IQGAP3: variants seen among roughly 807,000 people sequenced by gnomAD.
IQGAP3 encodes the protein IQ motif containing GTPase activating protein 3, also known as ras GTPase-activating-like protein IQGAP3.
IQGAP3 carries 165 observed loss-of-function variants against 208.2 expected under a neutral mutation model. The ratio of observed to expected loss-of-function variants is 0.79; its 90% CI spans 0.70 to 0.90. The LOEUF is 0.90. IQGAP3 is among the 40% of genes least tolerant of loss of function. IQGAP3 has a pLI of 0.00. For synonymous variants in IQGAP3, 703 were observed against 803.6 expected (o/e 0.87, Z 2.12); for missense variants, 1,811 against 2,043.1 (o/e 0.89, Z 2.19).
chr1:156,571,082 G>A (rs1045214458), intron 1 of IQGAP3, among the ~76,000 whole-genome samples: 11 of 152,130 alleles, frequency 7.2e-5, no homozygotes, highest in African/African-American at 2.7e-4. Flanking sequence ...CACCCGAGGA[G>A]GAAAAGAATC....
At chr1:156,532,112 C>T (rs1404522803) in intron 32 of IQGAP3, among the ~76,000 whole-genome samples, 8 of 152,032 alleles carry the variant, frequency 5.3e-5, no homozygotes, top group South Asian at 2.1e-4. Flanking sequence ...TTAGGCTGGG[C>T]GCAGTGGCTC....
rs2102353692 is a variant in IQGAP3 at position 156,530,230 on chromosome 1, C to A, written c.4279G>T (p.Ala1427Ser). ...TCTGCCAGTGGCAGGAGGGAGTGAGCTGTCAGTGAGCGGTGTCGTCGCAGT... is the reference window on the plus strand; with the variant it reads ...TCTGCCAGTGGCAGGAGGGAGTGAGATGTCAGTGAGCGGTGTCGTCGCAGT... Reference protein sequence around the residue: ...EPLRRHRSLTAHSLLPLAEKQ... With the variant: ...EPLRRHRSLTSHSLLPLAEKQ... The change falls in exon 34 of 38, where the codon GCT becomes TCT. Residue 1427 changes from alanine to serine, a missense_variant. Ala to Ser is a moderately conservative substitution (Grantham distance 99, BLOSUM62 1). Transcript: ENST00000361170. The A allele has an allele frequency of 6.2e-7, 1 of 1,613,066 alleles. No homozygotes were observed.
chr1:156,544,729 T>G (rs1033215903), intron 19 of IQGAP3, among the ~76,000 whole-genome samples: 4 of 151,768 alleles, frequency 2.6e-5, no homozygotes, highest in African/African-American at 9.7e-5. Context: ...CCCACACACC[T>G]CTAACCAACA....
intron 1 of IQGAP3, among the ~76,000 whole-genome samples, chr1:156,571,350 AC>A (rs770667464): frequency 2.0e-5 from 3 of 152,242 alleles, no homozygotes; most frequent in Non-Finnish European, 4.4e-5. Flanking sequence ...TTGACTCAGC[AC>A]TTAATGTCAT....
intron 22 of IQGAP3, among the ~76,000 whole-genome samples, chr1:156,543,718 G>A (rs1487347363): frequency 1.3e-5 from 2 of 152,228 alleles, no homozygotes; most frequent in Non-Finnish European, 2.9e-5. Context: ...TTTTCTTTCT[G>A]CTTTGGTGGT....
At chr1:156,557,619 T>G (rs1429551158) in intron 11 of IQGAP3, among the ~76,000 whole-genome samples, 928 of 13,856 alleles carry the variant, frequency 0.067, no homozygotes, top group Non-Finnish European at 0.087. Context: ...GGTGGGGGGG[T>G]CAGCCCCCCG....
In IQGAP3 at chr1:156,533,780, G is replaced by T; in HGVS notation, c.3969C>A (p.Asp1323Glu). The T allele has an allele frequency of 6.2e-7, 1 of 1,613,340 alleles. No homozygotes were observed. The highest frequency in any genetic ancestry group is 1.1e-5 in the South Asian group (1 of 90,994). ...EDLGELPTIP[D>E]LIGESIAADG... ...GCTAAGGAGGGCACGTACCAATAAG[G>T]TCAGGGATGGTGGGCAGCTCCCCAA... The change falls in exon 31 of 38, where the codon GAC (aspartate) becomes GAA (glutamate). Residue 1323 changes from aspartate (D) to glutamate (E), a missense_variant. Asp to Glu is a conservative substitution (Grantham distance 45). Coordinates refer to ENST00000361170, the MANE Select transcript of IQGAP3 (RefSeq NM_178229.5).
At position 156,526,133 on chromosome 1, in the gene IQGAP3, G is replaced by T; in HGVS notation, c.*353C>A. ...AAGGCAGAGGGGAAATCAAGCCGCT[G>T]GGGCAGTGCTTGTAATATTGGGGTG... On this transcript the variant is annotated 3_prime_UTR_variant, in exon 38 of 38. Transcript: ENST00000361170. 4.7e-6 allele frequency: 1 copy of T among 214,932 alleles called. No homozygotes were observed. Among genetic ancestry groups the T allele is most frequent in the East Asian group, 1.0e-4 (1 of 9,784 alleles). 13.3% of individuals were successfully genotyped at this position (214,932 alleles called of 1,614,324 possible).
intron 19 of IQGAP3, 83 bp downstream of exon 19, chr1:156,547,990 G>A: frequency 3.2e-6 from 4 of 1,257,392 alleles, no homozygotes; most frequent in Non-Finnish European, 4.4e-6. Flanking sequence ...TCATTCCCAT[G>A]TCAGTAAAAA....
intron 24 of IQGAP3, 58 bp from the exon 25 acceptor site, chr1:156,539,595 G>A (rs532975829): frequency 6.4e-7 from 1 of 1,563,016 alleles, no homozygotes; most frequent in East Asian, 2.2e-5. Flanking sequence ...ACCAGTGATA[G>A]GATAAGGAAA....
chr1:156,569,073 T>C (rs543745358), intron 2 of IQGAP3, among the ~76,000 whole-genome samples: 23 of 152,050 alleles, frequency 1.5e-4, no homozygotes, highest in African/African-American at 5.5e-4. Context: ...AGCAGGAAAA[T>C]TTGAAAATGG....
At chr1:156,562,726 T>G in intron 8 of IQGAP3, 61 bp from the exon 9 acceptor site, 1 of 1,358,338 alleles carries the variant, frequency 7.4e-7, no homozygotes, top group Non-Finnish European at 1.1e-6. Context: ...TGTCCTGCTC[T>G]TCCCTGCCTG....
At chr1:156,532,665 T>C (rs1674466309) in intron 32 of IQGAP3, among the ~76,000 whole-genome samples, 1 of 152,132 alleles carries the variant, frequency 6.6e-6, no homozygotes, top group Non-Finnish European at 1.5e-5. Context: ...TTGGGCAACA[T>C]GGCGAGACTC....
At chr1:156,537,405 C>A in intron 26 of IQGAP3, 84 bp from the exon 27 acceptor site, 2 of 1,338,078 alleles carry the variant, frequency 1.5e-6, no homozygotes, top group South Asian at 3.0e-5. Flanking sequence ...AAACGCTTGT[C>A]TAACAACAAG....
chr1:156,571,065 T>G (rs1056757836), intron 1 of IQGAP3, among the ~76,000 whole-genome samples: 28 of 152,216 alleles, frequency 1.8e-4, no homozygotes, highest in Non-Finnish European at 3.7e-4. Flanking sequence ...TCCTTTTTGG[T>G]ATAGGTCACC....
chr1:156,572,438 G>T, intron 1 of IQGAP3, 55 bp downstream of exon 1: 2 of 1,576,162 alleles, frequency 1.3e-6, no homozygotes, highest in East Asian at 2.2e-5. Flanking sequence ...GGACAGCCAA[G>T]CCCCCGACCA....
rs72996647 is a variant in IQGAP3 at position 156,554,347 on chromosome 1, C to A, written c.1336G>T (p.Ala446Ser). 3.4e-4 allele frequency: 543 copies of A among 1,613,418 alleles called. 2 individuals carry two copies. The African/African-American group carries it at 6.7e-3, about 20-fold the overall frequency. The change falls in exon 13 of 38, where the codon GCT becomes TCT. Residue 446 changes from alanine to serine, a missense_variant. Coordinates refer to ENST00000361170, the MANE Select transcript of IQGAP3 (RefSeq NM_178229.5). ...AGGGCCCGGTTAATCAGGACCACAG[C>A]TGAGAGCATCTCCACAGCCACGAAG... ...ELFVAVEMLS[A>S]VVLINRALEA...
intron 22 of IQGAP3, 56 bp from the exon 23 acceptor site, chr1:156,540,972 A>C (rs116475945): frequency 6.8e-7 from 1 of 1,462,670 alleles, no homozygotes; most frequent in African/African-American, 1.4e-5. Context: ...AGGCCTCCTC[A>C]CCAGCCCCTG....
chr1:156,565,344 T>C lies in IQGAP3; in HGVS notation c.361-653A>G, dbSNP rs143106969. On this transcript the variant is annotated intron_variant, in intron 4 of 37. Transcript: ENST00000361170. ...AGACCAAATTTAGAGACCTAGAGTG[T>C]TCCAGTCCCACTGAAGACACATGAC... Among the ~76,000 whole-genome samples, 526 of 152,334 alleles carry C rather than the reference T, an allele frequency of 3.5e-3. 6 individuals are homozygous for C. Among genetic ancestry groups the C allele is most frequent in the African/African-American group, 0.012 (498 of 41,576 alleles).
Sources: gnomAD v4.1 joint callset for allele counts (sites outside exome capture counted in the v4.1 genomes callset) on GRCh38, gnomAD v4.1.1 for gene constraint, MANE v1.5 for transcripts, NCBI Gene and HGNC (gene_info 2026-07-23, HGNC 2026-07-21) for gene names.